The following NRG1 variants were observed in gnomAD, a reference collection of about 807,000 sequenced individuals.
NRG1 encodes neuregulin 1, also known as pro-neuregulin-1, membrane-bound isoform.
Under a neutral mutation model 63.8 loss-of-function variants are expected in NRG1, and 18 were observed. That is an observed-to-expected ratio of 0.28 (90% CI 0.19 to 0.42). NRG1 has a LOEUF of 0.42. Ranked by LOEUF, NRG1 falls within the 10% of genes least tolerant of loss-of-function variation. NRG1 has a pLI of 1.00. For synonymous variants in NRG1, 302 were observed against 301.3 expected (o/e 1.00, Z -0.02); for missense variants, 762 against 814.7 (o/e 0.94, Z 0.79).
chr8:31,869,804 T>C (rs1342556608), intron 1 of NRG1, among the ~76,000 whole-genome samples: 2 of 152,224 alleles, frequency 1.3e-5, no homozygotes. Flanking sequence ...CAGGGCAGGT[T>C]TGAAATCTAA....
At chr8:32,112,845 T>C (rs1416660805) in intron 1 of NRG1, among the ~76,000 whole-genome samples, 1 of 152,144 alleles carries the variant, frequency 6.6e-6, no homozygotes, top group East Asian at 1.9e-4. Flanking sequence ...ACCAGGCTGG[T>C]TTCAAATTTT....
intron 1 of NRG1, among the ~76,000 whole-genome samples, chr8:31,826,549 T>C (rs1422347547): frequency 6.6e-6 from 1 of 152,232 alleles, no homozygotes; most frequent in Non-Finnish European, 1.5e-5. Context: ...CTCTTTTCTT[T>C]ATAAATTACC....
At chr8:31,984,393 A>G (rs574032467) in intron 1 of NRG1, among the ~76,000 whole-genome samples, 4 of 152,256 alleles carry the variant, frequency 2.6e-5, no homozygotes, top group African/African-American at 7.2e-5. Context: ...AGACCTACTT[A>G]ATACATCTCA....
chr8:32,310,802 G>A (rs1856731465), intron 1 of NRG1, among the ~76,000 whole-genome samples: 1 of 152,164 alleles, frequency 6.6e-6, no homozygotes, highest in Non-Finnish European at 1.5e-5. Context: ...GGTTCTCCAT[G>A]ACACATATCT....
chr8:31,930,377 A>G (rs1051739498), intron 1 of NRG1, among the ~76,000 whole-genome samples: 1 of 152,220 alleles, frequency 6.6e-6, no homozygotes, highest in Non-Finnish European at 1.5e-5. Flanking sequence ...CAAGTGGTAC[A>G]GTTTCTAGAA....
rs567734462 is a variant in NRG1 at position 31,665,956 on chromosome 8, T to C, written c.37+26525T>C. Among the ~76,000 whole-genome samples, 6 of 152,312 alleles carry C rather than the reference T, an allele frequency of 3.9e-5. No individual in the cohort carries two copies. The South Asian group carries it at 1.2e-3, about 32-fold the overall frequency. ...CCCGGATAATTTTCTTATCGTCTTT[T>C]TGCCGTTTGGGAACAAAGCCACGTT... On this transcript the variant is annotated intron_variant, in intron 1 of 10. Transcript: ENST00000519301.
intron 1 of NRG1, among the ~76,000 whole-genome samples, chr8:32,242,554 GGCGGTGAAGAT>G: frequency 6.6e-6 from 1 of 152,126 alleles, no homozygotes. Context: ...CTCAAATAGT[GGCGGTGAAGAT>G]GTGAAGGAGG....
At chr8:32,250,181 A>T (rs1463449331) in intron 1 of NRG1, among the ~76,000 whole-genome samples, 1 of 152,092 alleles carries the variant, frequency 6.6e-6, no homozygotes, top group Non-Finnish European at 1.5e-5. Context: ...GCTATATGAA[A>T]TGTTTACTGT....
intron 1 of NRG1, among the ~76,000 whole-genome samples, chr8:32,126,194 C>T (rs1439641366): frequency 1.3e-5 from 2 of 151,780 alleles, no homozygotes; most frequent in Non-Finnish European, 2.9e-5. Context: ...CTCTGGGTAT[C>T]GCAAAAGATA....
intron 1 of NRG1, among the ~76,000 whole-genome samples, chr8:32,472,734 G>A (rs1587847135): frequency 6.6e-6 from 1 of 152,144 alleles, no homozygotes; most frequent in African/African-American, 2.4e-5. Flanking sequence ...TTTGTGTTTT[G>A]TAGCATGCAT....
chr8:31,884,432 A>G (rs985125143), intron 1 of NRG1, among the ~76,000 whole-genome samples: 4 of 152,162 alleles, frequency 2.6e-5, no homozygotes, highest in Non-Finnish European at 5.9e-5. Context: ...TCAACTGGCC[A>G]TGCAGCCTGA....
At chr8:32,764,355 G>A (rs765447074) in exon 12 of NRG1, 2 of 1,612,212 alleles carry the variant, frequency 1.2e-6, no homozygotes, top group East Asian at 4.5e-5. Flanking sequence ...AGAAATCCAG[G>A]CCAGGCTGTC....
chr8:32,429,851 A>G lies in NRG1; in HGVS notation c.38-165977A>G, dbSNP rs577088678. ...CTCTTGACCTATACCATGACTGATA[A>G]CCATGTACATTTTTAAGAAAAAAAT... On this transcript the variant is annotated intron_variant, in intron 1 of 10. Transcript: ENST00000519301. 6.6e-5 allele frequency among the ~76,000 whole-genome samples: 10 copies of G among 152,286 alleles called. 1 individual carries two copies. The South Asian group carries it at 1.7e-3, about 25-fold the overall frequency.
chr8:32,336,388 G>A (rs1803268949), intron 1 of NRG1, among the ~76,000 whole-genome samples: 1 of 152,136 alleles, frequency 6.6e-6, no homozygotes, highest in South Asian at 2.1e-4. Flanking sequence ...TCCCTAGTGA[G>A]GTCGTTTCCA....
chr8:32,586,113 C>CAAT (rs5890659), intron 1 of NRG1, among the ~76,000 whole-genome samples: 42,024 of 150,736 alleles, frequency 0.28, 5,981 homozygotes, highest in South Asian at 0.35. Context: ...AGTAGGTACT[C>CAAT]AAGTATCAGC....
intron 1 of NRG1, among the ~76,000 whole-genome samples, chr8:32,086,185 ATG>A (rs1465735884): frequency 6.6e-6 from 1 of 152,246 alleles, no homozygotes; most frequent in Non-Finnish European, 1.5e-5. Context: ...AATTTAAAGA[ATG>A]TTAACTAGCT....
intron 1 of NRG1, among the ~76,000 whole-genome samples, chr8:32,469,068 A>G (rs1823442566): frequency 6.6e-6 from 1 of 152,180 alleles, no homozygotes; most frequent in Non-Finnish European, 1.5e-5. Flanking sequence ...TGTTCACATA[A>G]CTAACAAGGG....
At chr8:31,918,262 G>A (rs1203811295) in intron 1 of NRG1, among the ~76,000 whole-genome samples, 1 of 152,196 alleles carries the variant, frequency 6.6e-6, no homozygotes, top group South Asian at 2.1e-4. Flanking sequence ...GTGAGAGAGG[G>A]CATCCCTGTC....
intron 1 of NRG1, among the ~76,000 whole-genome samples, chr8:31,898,440 C>G (rs1282929350): frequency 6.6e-6 from 1 of 152,114 alleles, no homozygotes; most frequent in Non-Finnish European, 1.5e-5. Context: ...CTCAAAAAGA[C>G]TAAGTATTTT....
Sources: allele counts gnomAD v4.1 joint callset (sites outside exome capture counted in the v4.1 genomes callset), GRCh38; gene constraint gnomAD v4.1.1; transcripts MANE v1.5; gene names NCBI Gene and HGNC (gene_info 2026-07-23, HGNC 2026-07-21).